CAB39L: variants seen among roughly 807,000 people sequenced by gnomAD.
The protein encoded by CAB39L is calcium binding protein 39 like.
Under a neutral mutation model 39.1 loss-of-function variants are expected in CAB39L, and 23 were observed. The ratio of observed to expected loss-of-function variants is 0.59; its 90% CI spans 0.42 to 0.83. CAB39L has a LOEUF of 0.83. Ranked by LOEUF, CAB39L falls within the 40% of genes least tolerant of loss-of-function variation. CAB39L has a pLI of 0.00. For missense variants in CAB39L, 366 were observed against 391.9 expected (o/e 0.93, Z 0.56); for synonymous variants, 126 against 137.2 (o/e 0.92, Z 0.57).
chr13:49,429,807 C>T (rs1169760510), intron 3 of CAB39L, among the ~76,000 whole-genome samples: 8 of 152,098 alleles, frequency 5.3e-5, no homozygotes, highest in Admixed American at 5.2e-4. Context: ...TTGAACACTC[C>T]TTTTTGTGTT....
intron 3 of CAB39L, among the ~76,000 whole-genome samples, chr13:49,421,049 C>T (rs189404998): frequency 3.4e-4 from 51 of 152,172 alleles, no homozygotes; most frequent in African/African-American, 9.4e-4. Flanking sequence ...GGTGGAGAGA[C>T]GACAAACTGG....
At chr13:49,341,248 C>G (rs527258096) in intron 8 of CAB39L, among the ~76,000 whole-genome samples, 162 of 151,652 alleles carry the variant, frequency 1.1e-3, no homozygotes, top group African/African-American at 3.6e-3. Context: ...AGACAATTTT[C>G]TTTTTCTTTT....
chr13:49,331,438 C>T (rs1173732716), intron 10 of CAB39L, among the ~76,000 whole-genome samples: 1 of 152,070 alleles, frequency 6.6e-6, no homozygotes, highest in East Asian at 1.9e-4. Flanking sequence ...TGCACTCCAG[C>T]CTGGGCAACA....
At chr13:49,351,597 T>G (rs1015639627) in intron 6 of CAB39L, among the ~76,000 whole-genome samples, 3 of 152,122 alleles carry the variant, frequency 2.0e-5, no homozygotes, top group Non-Finnish European at 4.4e-5. Context: ...AAGCAAGAAA[T>G]TGACAAGACT....
At chr13:49,315,817 G>A (rs185242927) in intron 10 of CAB39L, among the ~76,000 whole-genome samples, 23 of 151,426 alleles carry the variant, frequency 1.5e-4, no homozygotes, top group African/African-American at 2.4e-4. Flanking sequence ...CCCAGAAGGC[G>A]GAGGTTGCAG....
intron 3 of CAB39L, among the ~76,000 whole-genome samples, chr13:49,397,752 T>G (rs1262633726): frequency 6.6e-6 from 1 of 152,088 alleles, no homozygotes; most frequent in Non-Finnish European, 1.5e-5. Flanking sequence ...TATTAGAATT[T>G]TACAATCTCA....
At chr13:49,319,774 A>T (rs961481284) in intron 10 of CAB39L, among the ~76,000 whole-genome samples, 2 of 152,008 alleles carry the variant, frequency 1.3e-5, no homozygotes, top group African/African-American at 4.8e-5. Flanking sequence ...TTTAGCTAAA[A>T]ATTGCCTGGC....
rs1954987571 is a variant in CAB39L, at chr13:49,340,921, G to T, written c.625-1179C>A. On this transcript the variant is annotated intron_variant, in intron 8 of 10. Coordinates refer to ENST00000409308, the MANE Select transcript of CAB39L (RefSeq NM_001079670.3). ...GCTGTGAAATTACTAAATTACACAA[G>T]AAGTGATATATGGATGTAAAAACAA... Among the ~76,000 whole-genome samples, 10 of 152,298 alleles carry T rather than the reference G, an allele frequency of 6.6e-5. No individual in the cohort carries two copies. In the South Asian group the frequency reaches 2.1e-3, roughly 32 times the overall value.
intron 10 of CAB39L, among the ~76,000 whole-genome samples, chr13:49,311,504 TC>T (rs1240354676): frequency 1.3e-5 from 2 of 152,196 alleles, no homozygotes; most frequent in Non-Finnish European, 1.5e-5. Context: ...CTCAGGCAGG[TC>T]CCTCAGGAGG....
rs1953942364 is a variant in CAB39L at position 49,310,063 on chromosome 13, C to G, written c.*751G>C. 1 of 152,372 alleles carries G rather than the reference C, an allele frequency of 6.6e-6. No individual in the cohort carries two copies. Among genetic ancestry groups the G allele is most frequent in the South Asian group, 2.1e-4 (1 of 4,828 alleles). 9.4% of individuals were successfully genotyped at this position (152,372 alleles called of 1,614,324 possible). A position where few individuals can be genotyped will look rare whatever the true frequency, so the allele number is the denominator to read the frequency against. Reference sequence around the variant, plus strand: ...AAGCTAATATGGAGCAGCAGTCACTCTATCCAGAGCCACATGTTCACAGTT... The same window carrying G: ...AAGCTAATATGGAGCAGCAGTCACTGTATCCAGAGCCACATGTTCACAGTT... On this transcript the variant is annotated 3_prime_UTR_variant, in exon 11 of 11. Transcript: ENST00000409308.
intron 1 of CAB39L, among the ~76,000 whole-genome samples, chr13:49,436,975 T>C (rs1957428494): frequency 6.6e-6 from 1 of 152,194 alleles, no homozygotes. Context: ...CTCACTATAG[T>C]GCCCAGGCTG....
Position 49,377,760 on chromosome 13 carries a change from C to T in CAB39L, c.112-629G>A, listed in dbSNP as rs1403076641. 6.8e-5 allele frequency among the ~76,000 whole-genome samples: 6 copies of T among 88,234 alleles called. 1 individual carries two copies. Among genetic ancestry groups the T allele is most frequent in the Admixed American group, 9.9e-5 (1 of 10,152 alleles). The allele number at this position is 88,234 out of a possible 152,430, so 57.9% of individuals were successfully genotyped here. A position where few individuals can be genotyped will look rare whatever the true frequency, so the allele number is the denominator to read the frequency against. On this transcript the variant is annotated intron_variant, in intron 4 of 10. Transcript: ENST00000409308. ...CTCACTACAACCTACACCTCCCAGC[C>T]GCCTGCCTTGGCCTCCCAAAGTGCC...
At chr13:49,392,279 C>T (rs2138624456) in intron 3 of CAB39L, among the ~76,000 whole-genome samples, 1 of 152,048 alleles carries the variant, frequency 6.6e-6, no homozygotes, top group South Asian at 2.1e-4. Flanking sequence ...ACAATAAAGG[C>T]TATATTAAAT....
chr13:49,385,273 T>C (rs1261475961), intron 3 of CAB39L, among the ~76,000 whole-genome samples: 1 of 152,212 alleles, frequency 6.6e-6, no homozygotes, highest in African/African-American at 2.4e-5. Flanking sequence ...CTCTTTTAGC[T>C]TCAGACTTTT....
intron 1 of CAB39L, among the ~76,000 whole-genome samples, chr13:49,437,278 T>A (rs898842204): frequency 3.3e-5 from 5 of 152,228 alleles, no homozygotes; most frequent in Admixed American, 1.3e-4. Context: ...TGTTTGTTTT[T>A]AATTAATGAC....
chr13:49,409,832 C>T (rs9526560), intron 3 of CAB39L, among the ~76,000 whole-genome samples: 34,945 of 151,138 alleles, frequency 0.23, 4,105 homozygotes, highest in African/African-American at 0.26. Context: ...CCTAAGCAGT[C>T]TGGCAGGAAG....
rs1280617413 is a variant in CAB39L at position 49,409,786 on chromosome 13, C to T, written c.-32+23532G>A. Among the ~76,000 whole-genome samples the T allele has an allele frequency of 2.0e-5, 3 of 151,986 alleles. No individual in the cohort carries two copies. The East Asian group carries it at 5.8e-4, about 30-fold the overall frequency. ...TGAAAATTGGTCTTATCAGAAAACC[C>T]ACATGTGGCTGGGCACAGTGGCTCA... On this transcript the variant is annotated intron_variant, in intron 3 of 10. Coordinates refer to ENST00000409308, the MANE Select transcript of CAB39L (RefSeq NM_001079670.3).
At chr13:49,378,793 C>T (rs1956178736) in intron 4 of CAB39L, among the ~76,000 whole-genome samples, 1 of 55,582 alleles carries the variant, frequency 1.8e-5, no homozygotes, top group African/African-American at 9.8e-5. Context: ...CCCGGCCAGC[C>T]GCCCCGTCCG....
intron 3 of CAB39L, among the ~76,000 whole-genome samples, chr13:49,412,414 T>C (rs12184916): frequency 0.35 from 52,448 of 151,820 alleles, 9,442 homozygotes; most frequent in Middle Eastern, 0.42. Context: ...ACCAACCTAA[T>C]AATAAGCATT....
Sources: allele counts gnomAD v4.1 joint callset (sites outside exome capture counted in the v4.1 genomes callset), GRCh38; gene constraint gnomAD v4.1.1; transcripts MANE v1.5; gene names NCBI Gene and HGNC (gene_info 2026-07-23, HGNC 2026-07-21).